The following TRANK1 variants were observed in gnomAD, a reference collection of about 807,000 sequenced individuals.
TRANK1 encodes TPR and ankyrin repeat-containing protein 1.
Under a neutral mutation model 266.0 loss-of-function variants are expected in TRANK1, and 198 were observed. That is an observed-to-expected ratio of 0.74 (90% CI 0.66 to 0.84). TRANK1 has a LOEUF of 0.84. TRANK1 is among the 40% of genes least tolerant of loss of function. The pLI is 0.00. For missense variants in TRANK1, 3,326 were observed against 3,634.6 expected, an observed-to-expected ratio of 0.92 and a Z score of 2.18; for synonymous variants, 1,396 against 1,384.1, an observed-to-expected ratio of 1.01 and a Z score of -0.19.
intron 1 of TRANK1, among the ~76,000 whole-genome samples, chr3:36,911,206 A>G (rs993727965): frequency 6.6e-6 from 1 of 152,256 alleles, no homozygotes; most frequent in Non-Finnish European, 1.5e-5. Context: ...AATGAAAAAT[A>G]TAGGCCTATA....
chr3:36,939,864 A>G (rs1411995408), intron 1 of TRANK1, among the ~76,000 whole-genome samples: 1 of 151,970 alleles, frequency 6.6e-6, no homozygotes, highest in Non-Finnish European at 1.5e-5. Flanking sequence ...TATTATGTTG[A>G]TGTTTAGTGT....
intron 20 of TRANK1, among the ~76,000 whole-genome samples, chr3:36,836,617 A>G (rs940103396): frequency 1.3e-5 from 2 of 152,258 alleles, no homozygotes; most frequent in African/African-American, 4.8e-5. Flanking sequence ...AGAAGAGGAT[A>G]AACAAAATAA....
In TRANK1 at chr3:36,842,668, T is replaced by A; in HGVS notation, c.5234A>T (p.Glu1745Val). 2 of 1,614,000 alleles carry A rather than the reference T, an allele frequency of 1.2e-6. No homozygotes were observed. The highest frequency in any genetic ancestry group is 1.7e-6 in the Non-Finnish European group (2 of 1,179,878). ...SMFVKTSTPA[E>V]WIAQGDYYAK... ...GTAGTAATCTCCCTGTGCAATCCAC[T>A]CCGCAGGAGTTGAGGTCTTAACGAA... is the stretch of plus-strand genomic sequence containing the variant. Residue 1745 changes from glutamate to valine, a missense_variant, in exon 18 of 24, where the codon GAG becomes GTG. By Grantham distance (121) the Glu-to-Val change is moderately radical (BLOSUM62 -2). Transcript: ENST00000645898.
At chr3:36,895,405 T>A (rs2125611639) in intron 5 of TRANK1, among the ~76,000 whole-genome samples, 1 of 152,368 alleles carries the variant, frequency 6.6e-6, no homozygotes, top group African/African-American at 2.4e-5. Flanking sequence ...TACTTTACAT[T>A]TCTTTGATGA....
chr3:36,893,073 G>T, intron 5 of TRANK1, 89 bp from the exon 6 acceptor site: 1 of 508,750 alleles, frequency 2.0e-6, no homozygotes, highest in Middle Eastern at 3.5e-4. Flanking sequence ...TTTAAAACAA[G>T]CAAATAAAAA....
intron 4 of TRANK1, among the ~76,000 whole-genome samples, chr3:36,896,908 C>T (rs1348095264): frequency 6.6e-6 from 1 of 152,072 alleles, no homozygotes; most frequent in African/African-American, 2.4e-5. Flanking sequence ...GCAGGAGAAT[C>T]GCTTGAACCC....
intron 1 of TRANK1, among the ~76,000 whole-genome samples, chr3:36,924,133 C>G (rs990605646): frequency 1.3e-5 from 2 of 152,172 alleles, no homozygotes; most frequent in African/African-American, 4.8e-5. Flanking sequence ...CCCTTACCCA[C>G]TCCCTCTCCT....
At chr3:36,889,795 C>A in intron 8 of TRANK1, 34 bp downstream of exon 8, 1 of 1,505,598 alleles carries the variant, frequency 6.6e-7, no homozygotes, top group Admixed American at 2.2e-5. Context: ...ACCAGCCAGC[C>A]ACAGCGCACC....
At chr3:36,847,448 G>T in intron 15 of TRANK1, 102 bp from the exon 16 acceptor site, 1 of 1,275,038 alleles carries the variant, frequency 7.8e-7, no homozygotes, top group Non-Finnish European at 1.1e-6. Context: ...CGGGGGACCA[G>T]GCCTTCAACC....
chr3:36,926,531 A>G (rs1424419254), intron 1 of TRANK1, among the ~76,000 whole-genome samples: 1 of 152,138 alleles, frequency 6.6e-6, no homozygotes, highest in Non-Finnish European at 1.5e-5. Context: ...GCAAATAGGG[A>G]AGGCACCAGA....
chr3:36,938,815 C>T (rs1022558626), intron 1 of TRANK1, among the ~76,000 whole-genome samples: 5 of 151,888 alleles, frequency 3.3e-5, no homozygotes, highest in Non-Finnish European at 5.9e-5. Context: ...AAAAATTTAG[C>T]GGAGGGTGGT....
Position 36,847,252 on chromosome 3 carries a change from T to C in TRANK1, c.4982A>G (p.Lys1661Arg). 6.2e-7 allele frequency: 1 copy of C among 1,613,632 alleles called. No individual in the cohort carries two copies. The highest frequency in any genetic ancestry group is 8.5e-7 in the Non-Finnish European group (1 of 1,179,754). The change falls in exon 16 of 24, where the codon AAA becomes AGA. Residue 1661 changes from lysine (K) to arginine (R), a missense_variant. By Grantham distance (26) the Lys-to-Arg change is conservative. Coordinates refer to ENST00000645898, the MANE Select transcript of TRANK1 (RefSeq NM_001329998.2). Reference protein sequence around the residue: ...NRPLVEVPLDKPGSSQGRSLM... With the variant: ...NRPLVEVPLDRPGSSQGRSLM... ...AGATCGACCCTGAGAAGAGCCTGGT[T>C]TGTCCAGGGGTACTTCAACCAATGG...
At chr3:36,892,639 G>A (rs1315111225) in intron 6 of TRANK1, among the ~76,000 whole-genome samples, 1 of 152,078 alleles carries the variant, frequency 6.6e-6, no homozygotes, top group African/African-American at 2.4e-5. Flanking sequence ...GACCAGCCAG[G>A]CCAACATGGC....
At chr3:36,923,363 C>T (rs6789885) in intron 1 of TRANK1, among the ~76,000 whole-genome samples, 28,949 of 151,556 alleles carry the variant, frequency 0.19, 3,466 homozygotes, top group Non-Finnish European at 0.28. Flanking sequence ...TCATGCAACT[C>T]TTCTGCCTCA....
chr3:36,875,927 C>G (rs573536240), intron 8 of TRANK1, among the ~76,000 whole-genome samples: 1 of 152,168 alleles, frequency 6.6e-6, no homozygotes, highest in Non-Finnish European at 1.5e-5. Context: ...CATTTCCATT[C>G]TATTAAATAC....
Position 36,842,706 on chromosome 3 carries a change from A to G in TRANK1, c.5196T>C (p.Phe1732=). The change falls in exon 18 of 24, where the codon TTT becomes TTC. Residue 1732 remains phenylalanine (F), a synonymous_variant. Coordinates refer to ENST00000645898, the MANE Select transcript of TRANK1 (RefSeq NM_001329998.2). The part of the protein sequence containing the change: ...QVVKTDENKD[F]DDSMFVKTST... ...AGGTCTTAACGAACATGCTATCATC[A>G]AAGTCTAAAATGAGAAAGAAAAGTG... 1 of 1,613,638 alleles carries G rather than the reference A, an allele frequency of 6.2e-7. No individual in the cohort carries two copies. The highest frequency in any genetic ancestry group is 8.5e-7 in the Non-Finnish European group (1 of 1,179,752).
rs774943550 is a variant in TRANK1, at chr3:36,856,650, A to G, written c.3072T>C (p.Tyr1024=). ...TGAAGCTGTGGAACTTCATGATGTT[A>G]TATTCTGTCTCCACTGCACTGGCTG... is the stretch of plus-strand genomic sequence containing the variant. ...FPPASAVETE[Y]NIMKFHSFST... The change falls in exon 13 of 24, where the codon TAT becomes TAC. Residue 1024 remains tyrosine, a synonymous_variant. Coordinates refer to ENST00000645898, the MANE Select transcript of TRANK1 (RefSeq NM_001329998.2). The G allele has an allele frequency of 1.2e-6, 2 of 1,614,030 alleles. No homozygotes were observed. The highest frequency in any genetic ancestry group is 1.7e-6 in the Non-Finnish European group (2 of 1,179,888).
intron 1 of TRANK1, among the ~76,000 whole-genome samples, chr3:36,942,929 C>T (rs1005204340): frequency 1.3e-5 from 2 of 151,520 alleles, no homozygotes; most frequent in African/African-American, 4.9e-5. Flanking sequence ...GCGTGTAATC[C>T]CAGCACTCTG....
intron 1 of TRANK1, among the ~76,000 whole-genome samples, chr3:36,939,627 A>C (rs2080469696): frequency 1.3e-5 from 2 of 152,158 alleles, no homozygotes; most frequent in Non-Finnish European, 2.9e-5. Flanking sequence ...CTCCTCACAC[A>C]GTCAACAAAT....
Sources: gnomAD v4.1 joint callset for allele counts (sites outside exome capture counted in the v4.1 genomes callset) on GRCh38, gnomAD v4.1.1 for gene constraint, MANE v1.5 for transcripts, NCBI Gene and HGNC (gene_info 2026-07-23, HGNC 2026-07-21) for gene names.